The following DNAH8 variants were observed in gnomAD, a reference collection of about 807,000 sequenced individuals.
DNAH8 encodes the protein dynein axonemal heavy chain 8.
DNAH8 carries 382 observed loss-of-function variants against 562.1 expected under a neutral mutation model. That is an observed-to-expected ratio of 0.68 (90% CI 0.63 to 0.74). The LOEUF is 0.74. Ranked by LOEUF, DNAH8 falls within the 30% of genes least tolerant of loss-of-function variation. The probability of loss-of-function intolerance (pLI) is 0.00; values close to 1 mark genes in which losing one functional copy is unlikely to be tolerated. For synonymous variants in DNAH8, 1,881 were observed against 1,919.4 expected (o/e 0.98, Z 0.52); for missense variants, 5,203 against 5,620.4 (o/e 0.93, Z 2.37).
intron 77 of DNAH8, among the ~76,000 whole-genome samples, chr6:38,936,777 G>A (rs1783006106): frequency 6.6e-6 from 1 of 152,070 alleles, no homozygotes; most frequent in Non-Finnish European, 1.5e-5. Flanking sequence ...TCTCCTTGAG[G>A]TTAATCCCAA....
chr6:38,728,440 A>C (rs2127572073), intron 3 of DNAH8, among the ~76,000 whole-genome samples: 1 of 152,342 alleles, frequency 6.6e-6, no homozygotes, highest in Middle Eastern at 3.4e-3. Context: ...TGCTAGTCTC[A>C]TGAGTACAAT....
At chr6:39,016,388 A>G (rs1484621331) in intron 91 of DNAH8, among the ~76,000 whole-genome samples, 1 of 152,016 alleles carries the variant, frequency 6.6e-6, no homozygotes, top group Non-Finnish European at 1.5e-5. Context: ...CGTCTCTACT[A>G]AAAATACAAA....
chr6:38,895,811 A>T (rs980240851), intron 59 of DNAH8, among the ~76,000 whole-genome samples: 32 of 152,194 alleles, frequency 2.1e-4, no homozygotes, highest in Admixed American at 1.9e-3. Flanking sequence ...GGGACCTTTG[A>T]TCTCACCTAA....
chr6:38,781,550 G>T (rs1768615743), intron 16 of DNAH8, among the ~76,000 whole-genome samples, 177 bp downstream of exon 16: 1 of 152,100 alleles, frequency 6.6e-6, no homozygotes, highest in Non-Finnish European at 1.5e-5. Flanking sequence ...ATTCCTTCAG[G>T]TTTAGTAGAT....
At chr6:38,741,128 G>T (rs1303377372) in intron 7 of DNAH8, among the ~76,000 whole-genome samples, 1 of 152,128 alleles carries the variant, frequency 6.6e-6, no homozygotes, top group Non-Finnish European at 1.5e-5. Context: ...CCTTTGGCCA[G>T]GTATGGTTAC....
In DNAH8 at chr6:38,786,475, A is replaced by G. The variant is rs563113655; in HGVS notation, c.2396-290A>G. On this transcript the variant is annotated intron_variant, in intron 17 of 92. Coordinates refer to ENST00000327475, the MANE Select transcript of DNAH8 (RefSeq NM_001206927.2). ...CCATAAGATAAACTGACATAGACCT[A>G]TTCAACCCACTCAGAAAAATATTGC... Among the ~76,000 whole-genome samples the G allele has an allele frequency of 2.6e-5, 4 of 152,358 alleles. No homozygotes were observed. The South Asian group carries it at 8.3e-4, about 32-fold the overall frequency.
chr6:38,892,791 C>T (rs928764382), intron 58 of DNAH8, among the ~76,000 whole-genome samples: 7 of 152,256 alleles, frequency 4.6e-5, no homozygotes, highest in Admixed American at 1.3e-4. Context: ...CAGCAGACTC[C>T]GCTTACTTCC....
chr6:38,813,161 A>C (rs894492244), intron 24 of DNAH8, among the ~76,000 whole-genome samples: 3 of 152,138 alleles, frequency 2.0e-5, no homozygotes, highest in African/African-American at 7.2e-5. Context: ...CTGTTCCTTT[A>C]TACTTTATGA....
intron 88 of DNAH8, among the ~76,000 whole-genome samples, chr6:38,993,637 A>G (rs1438941525): frequency 6.6e-6 from 1 of 152,008 alleles, no homozygotes; most frequent in East Asian, 1.9e-4. Context: ...ATATATACAT[A>G]TTGTTATTAC....
In DNAH8 at chr6:39,008,851, A is replaced by G. The variant is rs773970749; in HGVS notation, c.13252A>G (p.Ile4418Val). 2.5e-6 allele frequency: 4 copies of G among 1,608,392 alleles called. No homozygotes were observed. Among genetic ancestry groups the G allele is most frequent in the African/African-American group, 1.3e-5 (1 of 74,854 alleles). ...SNTASAVLET[I>V]TNIQPKESGG... ...CACTGCTTCTGCTGTTCTTGAAACA[A>G]TTACCAACATTCAACCCAAAGAGAG... is the stretch of plus-strand genomic sequence containing the variant. The change falls in exon 89 of 93, where the codon ATT becomes GTT. Residue 4418 changes from isoleucine to valine, a missense_variant. Ile to Val is a conservative substitution (Grantham distance 29, BLOSUM62 3). Transcript: ENST00000327475.
intron 81 of DNAH8, among the ~76,000 whole-genome samples, chr6:38,950,526 G>A (rs887912005): frequency 4.0e-5 from 6 of 150,502 alleles, no homozygotes; most frequent in Admixed American, 1.3e-4. Context: ...TGTAAGCTCC[G>A]CCTCCCGGGT....
At chr6:38,976,333 G>A (rs1763671199) in intron 85 of DNAH8, among the ~76,000 whole-genome samples, 1 of 152,160 alleles carries the variant, frequency 6.6e-6, no homozygotes, top group African/African-American at 2.4e-5. Flanking sequence ...GCCCAATTCT[G>A]TGACAATACA....
intron 43 of DNAH8, 74 bp from the exon 44 acceptor site, chr6:38,862,206 T>C (rs758008401): frequency 5.9e-5 from 81 of 1,371,378 alleles, no homozygotes; most frequent in Middle Eastern, 3.7e-4. Flanking sequence ...TCCAATCACA[T>C]TGGATTTTTG....
intron 8 of DNAH8, among the ~76,000 whole-genome samples, chr6:38,746,885 T>A (rs1283646571): frequency 2.0e-5 from 3 of 151,832 alleles, no homozygotes; most frequent in African/African-American, 7.3e-5. Flanking sequence ...GCTGAGATTG[T>A]GCCACTGCAC....
At chr6:38,823,971 A>G (rs1308817656) in intron 28 of DNAH8, among the ~76,000 whole-genome samples, 2 of 152,200 alleles carry the variant, frequency 1.3e-5, no homozygotes, top group Non-Finnish European at 2.9e-5. Context: ...ATCCGTAGAC[A>G]CACTACACAG....
Position 38,911,521 on chromosome 6 carries a change from G to A in DNAH8, c.9794G>A (p.Gly3265Asp). The change falls in exon 66 of 93, where the codon GGT becomes GAT. Residue 3265 changes from glycine to aspartate, a missense_variant. By Grantham distance (94) the Gly-to-Asp change is moderately conservative. Around this residue, in one of 6 missense-constraint regions of DNAH8, gnomAD observed 977 missense variants for 1,061.8 expected, o/e 0.92. Transcript: ENST00000327475. ...AAATCTTACCTCTCATTTATAAATG[G>A]TTATAAAAACATTTATGCTGAAAAG... is the stretch of plus-strand genomic sequence containing the variant. The part of the protein sequence containing the change: ...TPKSYLSFIN[G>D]YKNIYAEKVK... 6.2e-7 allele frequency: 1 copy of A among 1,613,856 alleles called. No individual in the cohort carries two copies. Among genetic ancestry groups the A allele is most frequent in the Admixed American group, 1.7e-5 (1 of 60,020 alleles).
rs780903706 is a variant in DNAH8, at chr6:38,814,070, C to G, written c.3274C>G (p.Gln1092Glu). 3.9e-5 allele frequency: 62 copies of G among 1,592,282 alleles called. No homozygotes were observed. The highest frequency in any genetic ancestry group is 5.1e-5 in the Non-Finnish European group (59 of 1,162,078). ...IFVASLYGRKQSEDIISFIKS... is the reference protein window; with the variant it reads ...IFVASLYGRKESEDIISFIKS... ...TCATTGCAGCCTTTATGGGCGAAAG[C>G]AGTCAGAAGATATTATTTCCTTTAT... is the stretch of plus-strand genomic sequence containing the variant. The change falls in exon 25 of 93, where the codon CAG becomes GAG. Residue 1092 changes from glutamine to glutamate, a missense_variant. Around this residue, in one of 6 missense-constraint regions of DNAH8, gnomAD observed 2,176 missense variants for 2,365.1 expected, o/e 0.92. Coordinates refer to ENST00000327475, the MANE Select transcript of DNAH8 (RefSeq NM_001206927.2).
intron 60 of DNAH8, among the ~76,000 whole-genome samples, 183 bp downstream of exon 60, chr6:38,896,408 T>C (rs1403265853): frequency 2.0e-5 from 3 of 151,806 alleles, no homozygotes; most frequent in Non-Finnish European, 4.4e-5. Context: ...ACCCTGTCTC[T>C]ATAAAAAATA....
chr6:38,935,557 T>C (rs1782880788), intron 76 of DNAH8, 35 bp from the exon 77 acceptor site: 9 of 1,450,230 alleles, frequency 6.2e-6, no homozygotes, highest in Admixed American at 5.4e-5. Context: ...CTGGTAATTA[T>C]AGTTCCAATG....
Sources: allele counts gnomAD v4.1 joint callset (sites outside exome capture counted in the v4.1 genomes callset), GRCh38; gene constraint gnomAD v4.1.1; regional missense constraint gnomAD v4.1.1; transcripts MANE v1.5; gene names NCBI Gene and HGNC (gene_info 2026-07-23, HGNC 2026-07-21).